DNASE1: variants seen among roughly 807,000 people sequenced by gnomAD.
DNASE1 encodes the protein deoxyribonuclease-1.
In DNASE1, 40 loss-of-function variants were observed where a neutral mutation model predicts 33.9. The observed-to-expected ratio is 1.18, with a 90% CI of 0.92 to 1.54. The LOEUF is 1.54. DNASE1 is among the 40% of genes most tolerant of loss of function. The pLI, the probability that DNASE1 is intolerant of heterozygous loss-of-function variation, is 0.00. For missense variants in DNASE1, 518 were observed against 372.6 expected (o/e 1.39, Z -3.21); for synonymous variants, 216 against 160.0 (o/e 1.35, Z -2.64).
At chr16:3,634,108 C>A (rs527975736) in intron 1 of DNASE1, among the ~76,000 whole-genome samples, 3 of 151,786 alleles carry the variant, frequency 2.0e-5, no homozygotes, top group Non-Finnish European at 4.4e-5. Context: ...CCGCACCTGG[C>A]CATAAGTGAA....
At chr16:3,632,952 A>G (rs535392958) in intron 1 of DNASE1, among the ~76,000 whole-genome samples, 1 of 152,144 alleles carries the variant, frequency 6.6e-6, no homozygotes, top group Non-Finnish European at 1.5e-5. Context: ...TCTTCTTTTA[A>G]CATTTTTTGC....
intron 4 of DNASE1, 68 bp from the exon 5 acceptor site, chr16:3,656,570 C>G: frequency 1.4e-6 from 2 of 1,402,296 alleles, no homozygotes; most frequent in Non-Finnish European, 9.9e-7. Context: ...CGACGCCTGC[C>G]TCCTGGGAAG....
downstream of DNASE1, chr16:3,659,987 A>AAAATGTTGGGATTACAG (rs2042978855): frequency 6.6e-6 from 1 of 152,180 alleles, no homozygotes; most frequent in Non-Finnish European, 1.5e-5. Flanking sequence ...TAGGCCTCCC[A>AAAATGTTGGGATTACAG]AAATGTTGGG....
chr16:3,646,747 T>C (rs1375548508), intron 1 of DNASE1, among the ~76,000 whole-genome samples: 1 of 152,138 alleles, frequency 6.6e-6, no homozygotes, highest in African/African-American at 2.4e-5. Flanking sequence ...CTGGGACATG[T>C]ACCTGGAAGC....
rs746208858 is a variant in DNASE1 at position 3,657,218 on chromosome 16, G to A, written c.581G>A (p.Gly194Asp). The change falls in exon 7 of 9, where the codon GGC (glycine) becomes GAC (aspartate). Residue 194 changes from glycine to aspartate, a missense_variant. By Grantham distance (94) the Gly-to-Asp change is moderately conservative. Transcript: ENST00000246949. ...ATGTTGATGGGCGACTTCAATGCGG[G>A]CTGCAGCTATGTGAGACCCTCCCAG... is the stretch of plus-strand genomic sequence containing the variant. Reference protein sequence around the residue: ...DVMLMGDFNAGCSYVRPSQWS... With the variant: ...DVMLMGDFNADCSYVRPSQWS... 6.8e-6 allele frequency: 11 copies of A among 1,613,938 alleles called. No homozygotes were observed. Among genetic ancestry groups the A allele is most frequent in the Admixed American group, 1.7e-5 (1 of 60,010 alleles).
At chr16:3,646,411 C>T (rs1267925136) in intron 1 of DNASE1, among the ~76,000 whole-genome samples, 1 of 152,072 alleles carries the variant, frequency 6.6e-6, no homozygotes. Context: ...CGGCCATAAA[C>T]GAGGGTAAAC....
intron 1 of DNASE1, among the ~76,000 whole-genome samples, chr16:3,613,667 G>T (rs2151148391): frequency 6.6e-6 from 1 of 152,344 alleles, no homozygotes; most frequent in African/African-American, 2.4e-5. Flanking sequence ...GTAGGGCAGG[G>T]TGTCTTGGGA....
upstream of DNASE1, chr16:3,653,625 G>A (rs1408874885): frequency 3.3e-5 from 5 of 151,924 alleles, no homozygotes; most frequent in Non-Finnish European, 7.4e-5. Flanking sequence ...TGACCAACAT[G>A]GTGAAACCCT....
chr16:3,620,289 T>G (rs941500961), intron 1 of DNASE1, among the ~76,000 whole-genome samples: 2 of 152,160 alleles, frequency 1.3e-5, no homozygotes, highest in African/African-American at 4.8e-5. Flanking sequence ...ACATCATTCA[T>G]CACATCATTT....
At chr16:3,637,669 G>A (rs565702900) in intron 1 of DNASE1, among the ~76,000 whole-genome samples, 29 of 152,280 alleles carry the variant, frequency 1.9e-4, no homozygotes, top group African/African-American at 7.0e-4. Flanking sequence ...TTAAGAACAG[G>A]AAGCTCTAGA....
chr16:3,641,916 C>T (rs543382215), upstream of DNASE1, among the ~76,000 whole-genome samples: 15 of 152,326 alleles, frequency 9.8e-5, no homozygotes, highest in East Asian at 2.7e-3. Flanking sequence ...CCTTCCCAGC[C>T]GTCCCACCCA....
At chr16:3,629,288 T>G (rs1215063569) in intron 1 of DNASE1, among the ~76,000 whole-genome samples, 1 of 152,168 alleles carries the variant, frequency 6.6e-6, no homozygotes, top group Non-Finnish European at 1.5e-5. Context: ...TGTTGAATGT[T>G]TTCATTTTGA....
At chr16:3,626,910 C>T (rs908072015) in intron 1 of DNASE1, among the ~76,000 whole-genome samples, 2 of 152,206 alleles carry the variant, frequency 1.3e-5, no homozygotes, top group South Asian at 2.1e-4. Context: ...CTTGCTATGT[C>T]ACCCAGGCTG....
chr16:3,652,136 T>C (rs1476756745), upstream of DNASE1: 1 of 152,328 alleles, frequency 6.6e-6, no homozygotes, highest in Non-Finnish European at 1.5e-5. Context: ...TTCTGGCAGG[T>C]AGAGGAAGCA....
chr16:3,629,171 CAAAAAAAAA>C (rs536378443), intron 1 of DNASE1, among the ~76,000 whole-genome samples: 1 of 55,062 alleles, frequency 1.8e-5, no homozygotes, highest in African/African-American at 6.8e-5. Context: ...GACTAAGTCT[CAAAAAAAAA>C]AAAAAAAAAA....
intron 5 of DNASE1, 56 bp downstream of exon 5, chr16:3,656,809 C>T: frequency 6.4e-7 from 1 of 1,551,628 alleles, no homozygotes. Context: ...GCCTCCACCC[C>T]CTCCTAGGGA....
intron 1 of DNASE1, among the ~76,000 whole-genome samples, chr16:3,629,691 C>T (rs982142213): frequency 6.6e-6 from 1 of 152,192 alleles, no homozygotes; most frequent in Non-Finnish European, 1.5e-5. Flanking sequence ...TAGAATTAAT[C>T]AGTGAAGCCT....
downstream of DNASE1, chr16:3,658,207 A>G (rs2042830652): frequency 1.9e-6 from 3 of 1,613,972 alleles, no homozygotes; most frequent in East Asian, 2.2e-5. Context: ...CAAGTCCAGC[A>G]GCAATCATGG....
intron 1 of DNASE1, among the ~76,000 whole-genome samples, chr16:3,646,848 G>A (rs1255241224): frequency 6.6e-6 from 1 of 152,112 alleles, no homozygotes; most frequent in Admixed American, 6.5e-5. Flanking sequence ...TGGTGCGGGC[G>A]GGGCTGAGGG....
Sources: gnomAD v4.1 joint callset for allele counts (sites outside exome capture counted in the v4.1 genomes callset) on GRCh38, gnomAD v4.1.1 for gene constraint, MANE v1.5 for transcripts, NCBI Gene and HGNC (gene_info 2026-07-23, HGNC 2026-07-21) for gene names.